LAMA4: variants seen among roughly 807,000 people sequenced by gnomAD.
LAMA4 encodes laminin subunit alpha 4.
Under a neutral mutation model 207.1 loss-of-function variants are expected in LAMA4, and 127 were observed. The observed-to-expected ratio is 0.61, with a 90% CI of 0.53 to 0.71. The LOEUF (loss-of-function observed/expected upper bound fraction) is 0.71. Among genes scored for constraint, LAMA4 ranks in the 30% least tolerant of loss-of-function variants. LAMA4 has a pLI of 0.00. For missense variants in LAMA4, 2,093 were observed against 2,246.5 expected (o/e 0.93, Z 1.38); for synonymous variants, 761 against 816.0 (o/e 0.93, Z 1.15).
intron 16 of LAMA4, among the ~76,000 whole-genome samples, chr6:112,152,640 C>T (rs76303939): frequency 0.046 from 6,955 of 152,046 alleles, 531 homozygotes; most frequent in African/African-American, 0.16. Flanking sequence ...TGTAAATATA[C>T]ACTCTCTGAC....
chr6:112,171,132 C>A (rs1318618164), intron 12 of LAMA4, among the ~76,000 whole-genome samples: 1 of 152,050 alleles, frequency 6.6e-6, no homozygotes, highest in Non-Finnish European at 1.5e-5. Context: ...TAAGGCAGAA[C>A]CGTGATGAAA....
chr6:112,146,063 G>C, intron 18 of LAMA4, among the ~76,000 whole-genome samples: 1 of 152,176 alleles, frequency 6.6e-6, no homozygotes, highest in East Asian at 1.9e-4. Flanking sequence ...GCCAAGGCTG[G>C]TGGATCACCT....
intron 7 of LAMA4, among the ~76,000 whole-genome samples, chr6:112,188,156 G>A (rs1259494616): frequency 6.6e-6 from 1 of 152,174 alleles, no homozygotes; most frequent in Non-Finnish European, 1.5e-5. Flanking sequence ...CTTTTGCAAC[G>A]TGCCTGTTCC....
intron 6 of LAMA4, among the ~76,000 whole-genome samples, chr6:112,190,037 A>G (rs1369241274): frequency 2.0e-5 from 3 of 152,240 alleles, no homozygotes; most frequent in East Asian, 1.9e-4. Flanking sequence ...CAGAATAATC[A>G]TAAAAACCAG....
intron 36 of LAMA4, among the ~76,000 whole-genome samples, chr6:112,115,645 T>A (rs1277452381): frequency 2.0e-5 from 3 of 152,334 alleles, no homozygotes; most frequent in Middle Eastern, 3.4e-3. Flanking sequence ...TTTTGATAGT[T>A]TTGCCATATT....
intron 16 of LAMA4, chr6:112,154,630 T>G: frequency 1.7e-6 from 1 of 575,252 alleles, no homozygotes; most frequent in African/African-American, 1.9e-5. Context: ...GATAGCTATG[T>G]GTTTCCATGT....
At chr6:112,230,425 C>A (rs1482274119) in intron 2 of LAMA4, among the ~76,000 whole-genome samples, 2 of 152,176 alleles carry the variant, frequency 1.3e-5, no homozygotes, top group African/African-American at 4.8e-5. Context: ...ACCTGGGTGA[C>A]CTTGCCCAGA....
intron 5 of LAMA4, among the ~76,000 whole-genome samples, chr6:112,199,392 A>G (rs1264254071): frequency 6.6e-6 from 1 of 151,980 alleles, no homozygotes; most frequent in Admixed American, 6.6e-5. Flanking sequence ...TATCAAACTA[A>G]ATTGAATTTA....
intron 32 of LAMA4, chr6:112,121,679 G>A (rs10452635): frequency 6.0e-6 from 2 of 331,768 alleles, no homozygotes; most frequent in African/African-American, 4.3e-5. Flanking sequence ...CAATCTGAAA[G>A]CAATTTGTAT....
chr6:112,190,208 G>A (rs142303832), intron 6 of LAMA4, among the ~76,000 whole-genome samples: 2 of 152,280 alleles, frequency 1.3e-5, no homozygotes, highest in East Asian at 3.9e-4. Flanking sequence ...TTTAGTAAAT[G>A]TTTTGAGAAT....
At chr6:112,176,374 G>A (rs1205395053) in intron 10 of LAMA4, among the ~76,000 whole-genome samples, 3 of 152,212 alleles carry the variant, frequency 2.0e-5, no homozygotes, top group Non-Finnish European at 2.9e-5. Context: ...ATGAAATTGC[G>A]TGTCTGTGGT....
At chr6:112,175,235 C>T in intron 11 of LAMA4, 78 bp downstream of exon 11, 2 of 1,385,828 alleles carry the variant, frequency 1.4e-6, no homozygotes, top group Non-Finnish European at 2.1e-6. Flanking sequence ...TATATGTTGC[C>T]CTAGGTTTAA....
rs370628816 is a variant in LAMA4 at position 112,163,073 on chromosome 6, G to T, written c.1668+2087C>A. ...TGCAGCCTGCACTTCCCGGGCTCAA[G>T]TGATCCTCCCATCTCAGCCTCCTGA... is the stretch of plus-strand genomic sequence containing the variant. On this transcript the variant is annotated intron_variant, in intron 13 of 38. Coordinates refer to ENST00000230538, the MANE Select transcript of LAMA4 (RefSeq NM_001105206.3). Among the ~76,000 whole-genome samples, 46 of 149,196 alleles carry T rather than the reference G, an allele frequency of 3.1e-4. No homozygotes were observed. In the East Asian group the frequency reaches 9.0e-3, roughly 29 times the overall value.
At chr6:112,192,337 G>T (rs1309714468) in intron 5 of LAMA4, among the ~76,000 whole-genome samples, 1 of 152,226 alleles carries the variant, frequency 6.6e-6, no homozygotes, top group Non-Finnish European at 1.5e-5. Context: ...GGCTGAAAGG[G>T]ATTGACTCAG....
chr6:112,121,163 T>A (rs1298965137), intron 32 of LAMA4, among the ~76,000 whole-genome samples: 2 of 151,958 alleles, frequency 1.3e-5, no homozygotes, highest in Non-Finnish European at 2.9e-5. Context: ...ATAATACAAA[T>A]AATATCAGTT....
At chr6:112,253,060 C>T (rs561400113) in intron 2 of LAMA4, among the ~76,000 whole-genome samples, 2 of 152,270 alleles carry the variant, frequency 1.3e-5, no homozygotes, top group East Asian at 3.9e-4. Flanking sequence ...GGTGTCAATC[C>T]ACATAACTGT....
intron 16 of LAMA4, among the ~76,000 whole-genome samples, chr6:112,151,282 T>C (rs1440757114): frequency 6.6e-6 from 1 of 152,216 alleles, no homozygotes; most frequent in Non-Finnish European, 1.5e-5. Context: ...TTTATATCTG[T>C]CTTAATTATT....
chr6:112,128,798 A>C, intron 31 of LAMA4, 124 bp downstream of exon 31: 1 of 768,528 alleles, frequency 1.3e-6, no homozygotes, highest in African/African-American at 1.8e-5. Flanking sequence ...ATACTGCAAG[A>C]ATCCCATCTT....
At chr6:112,124,245 G>A (rs1455719696) in intron 31 of LAMA4, among the ~76,000 whole-genome samples, 27 of 152,122 alleles carry the variant, frequency 1.8e-4, no homozygotes, top group African/African-American at 6.0e-4. Flanking sequence ...AGGATCTCAC[G>A]CTTTCTTAGT....
Sources: allele counts gnomAD v4.1 joint callset (sites outside exome capture counted in the v4.1 genomes callset), GRCh38; gene constraint gnomAD v4.1.1; transcripts MANE v1.5; gene names NCBI Gene and HGNC (gene_info 2026-07-23, HGNC 2026-07-21).